RCN2: variants seen among roughly 807,000 people sequenced by gnomAD.
RCN2 encodes reticulocalbin 2, also known as reticulocalbin-2.
RCN2 carries 23 observed loss-of-function variants against 37.5 expected under a neutral mutation model. The ratio of observed to expected loss-of-function variants is 0.61; its 90% CI spans 0.44 to 0.87. The LOEUF (loss-of-function observed/expected upper bound fraction) is 0.87, where lower values mean the gene tolerates loss of function less well. Ranked by LOEUF, RCN2 falls within the 40% of genes least tolerant of loss-of-function variation. RCN2 has a pLI of 0.00. For missense variants in RCN2, 381 were observed against 390.4 expected (o/e 0.98, Z 0.20); for synonymous variants, 140 against 144.6 (o/e 0.97, Z 0.23).
At position 76,931,837 on chromosome 15, in the gene RCN2, G is replaced by T. The variant is rs2075223608; in HGVS notation, c.-5G>T. 4 of 1,230,580 alleles carry T rather than the reference G, an allele frequency of 3.3e-6. No individual in the cohort carries two copies. In the South Asian group the frequency reaches 1.0e-4, roughly 31 times the overall value. The allele number at this position is 1,230,580 out of a possible 1,614,324, so 76.2% of individuals were successfully genotyped here. ...GTCCCTCGGTGTCCTCCGCGGGCCGGCGCGATGCGGCTGGGCCCGAGGACC... is the reference window on the plus strand; with the variant it reads ...GTCCCTCGGTGTCCTCCGCGGGCCGTCGCGATGCGGCTGGGCCCGAGGACC... On this transcript the variant is annotated 5_prime_UTR_variant, in exon 1 of 7. Coordinates refer to ENST00000394885, the MANE Select transcript of RCN2 (RefSeq NM_002902.3).
intron 3 of RCN2, among the ~76,000 whole-genome samples, chr15:76,936,496 C>T (rs1325628544): frequency 6.6e-6 from 1 of 152,108 alleles, no homozygotes; most frequent in Non-Finnish European, 1.5e-5. Context: ...GTACAGTTCA[C>T]AGTAGGGTTT....
chr15:76,947,375 A>G, intron 4 of RCN2, 46 bp from the exon 5 acceptor site: 1 of 1,253,672 alleles, frequency 8.0e-7, no homozygotes, highest in Non-Finnish European at 1.1e-6. Context: ...AGTGGGACTG[A>G]ACATTTTGTA....
In RCN2 at chr15:76,949,083, T is replaced by C; in HGVS notation, c.815T>C (p.Ile272Thr). The change falls in exon 7 of 7, where the codon ATT (isoleucine) becomes ACT (threonine). Residue 272 changes from isoleucine to threonine, a missense_variant. Transcript: ENST00000394885. ...TTTATTTTGAAGGCGCTTCATCTAA[T>C]TGATGAAATGGATTTGAATGGTGAC... The part of the protein sequence containing the change: ...GIAQEEALHL[I>T]DEMDLNGDKK... 1.9e-6 allele frequency: 3 copies of C among 1,598,208 alleles called. No homozygotes were observed. Among genetic ancestry groups the C allele is most frequent in the Non-Finnish European group, 2.6e-6 (3 of 1,175,344 alleles).
intron 3 of RCN2, chr15:76,941,709 G>A (rs1045354284): frequency 4.4e-6 from 6 of 1,356,844 alleles, no homozygotes; most frequent in Non-Finnish European, 3.9e-6. Flanking sequence ...TTCTTATTTT[G>A]TGTTCTTCAA....
At chr15:76,947,545 A>G (rs759963392) in intron 5 of RCN2, 28 bp downstream of exon 5, 1 of 1,392,694 alleles carries the variant, frequency 7.2e-7, no homozygotes, top group East Asian at 2.3e-5. Context: ...ATGTGAAAAG[A>G]GAAAAGGAAT....
chr15:76,946,448 TA>T (rs762197288), intron 4 of RCN2, among the ~76,000 whole-genome samples: 173 of 140,416 alleles, frequency 1.2e-3, no homozygotes, highest in Admixed American at 1.0e-3. Context: ...GATCCTATGT[TA>T]AAAAAAAAAA....
chr15:76,932,773 A>G (rs932849573), intron 2 of RCN2, among the ~76,000 whole-genome samples: 1 of 152,240 alleles, frequency 6.6e-6, no homozygotes, highest in Non-Finnish European at 1.5e-5. Context: ...TTAGAGAAAT[A>G]TGCCCCAAAA....
chr15:76,932,523 G>C (rs2075228913), intron 2 of RCN2, 57 bp downstream of exon 2: 5 of 1,179,622 alleles, frequency 4.2e-6, no homozygotes, highest in Non-Finnish European at 6.3e-6. Context: ...GTTAAGCAGC[G>C]GTGTCTGCTG....
In RCN2 at chr15:76,950,406, T is replaced by G. The variant is rs1365637317; in HGVS notation, c.*1184T>G. On this transcript the variant is annotated 3_prime_UTR_variant, in exon 7 of 7. Transcript: ENST00000394885. ...TCATTCTTTTTTTTTTTTTTTTTTTTGTGACAGAGTCTTGCTCTGTGGCCC... is the reference window on the plus strand; with the variant it reads ...TCATTCTTTTTTTTTTTTTTTTTTTGGTGACAGAGTCTTGCTCTGTGGCCC... The G allele has an allele frequency of 9.4e-6, 1 of 106,468 alleles. No individual in the cohort carries two copies. The highest frequency in any genetic ancestry group is 3.9e-5 in the African/African-American group (1 of 25,580). The allele number at this position is 106,468 out of a possible 1,614,324, so 6.6% of individuals were successfully genotyped here. A position where few individuals can be genotyped will look rare whatever the true frequency, so the allele number is the denominator to read the frequency against.
chr15:76,931,880 G>C lies in RCN2; in HGVS notation c.39G>C (p.Leu13=), dbSNP rs998866705. 1.5e-6 allele frequency: 2 copies of C among 1,314,792 alleles called. No homozygotes were observed. Among genetic ancestry groups the C allele is most frequent in the Middle Eastern group, 2.9e-4 (1 of 3,474 alleles). 81.4% of individuals were successfully genotyped at this position (1,314,792 alleles called of 1,614,324 possible). The change falls in exon 1 of 7, where the codon CTG becomes CTC. Residue 13 remains leucine, a synonymous_variant. Coordinates refer to ENST00000394885, the MANE Select transcript of RCN2 (RefSeq NM_002902.3). ...CGAGGACCGCGGCGTTGGGGCTGCT[G>C]CTGCTGTGCGCCGCCGCGGCCGGCG... is the stretch of plus-strand genomic sequence containing the variant. The part of the protein sequence containing the change: ...LGPRTAALGL[L]LLCAAAAGAG...
chr15:76,939,136 C>T (rs1475976347), intron 3 of RCN2, among the ~76,000 whole-genome samples: 2 of 152,070 alleles, frequency 1.3e-5, no homozygotes, highest in Non-Finnish European at 2.9e-5. Context: ...GAGGCTGAGG[C>T]AGGAAGATTG....
At chr15:76,947,924 TG>T (rs1264438477) in intron 5 of RCN2, 1 of 163,502 alleles carries the variant, frequency 6.1e-6, no homozygotes, top group Non-Finnish European at 1.3e-5. Flanking sequence ...AATAAGTGTT[TG>T]AAATTAAGAG....
Position 76,948,537 on chromosome 15 carries a change from C to G in RCN2, c.786C>G (p.Gly262=). 6.3e-7 allele frequency: 1 copy of G among 1,580,342 alleles called. No individual in the cohort carries two copies. Among genetic ancestry groups the G allele is most frequent in the Non-Finnish European group, 8.6e-7 (1 of 1,160,372 alleles). The part of the protein sequence containing the change: ...LLPWVVPNNQ[G]IAQEEALHLI... ...CTTGGGTAGTACCTAATAATCAGGG[C>G]ATTGCACAAGAGGAGGTAAGTGTTA... is the stretch of plus-strand genomic sequence containing the variant. The change falls in exon 6 of 7, where the codon GGC becomes GGG. Residue 262 remains glycine, a synonymous_variant. Coordinates refer to ENST00000394885, the MANE Select transcript of RCN2 (RefSeq NM_002902.3).
rs1212854762 is a variant in RCN2, at chr15:76,954,159, C to T, written c.*4937C>T. The T allele has an allele frequency of 6.6e-6, 1 of 151,322 alleles. No homozygotes were observed. The highest frequency in any genetic ancestry group is 1.9e-4 in the East Asian group (1 of 5,138). The allele number at this position is 151,322 out of a possible 1,614,324, so 9.4% of individuals were successfully genotyped here. A position where few individuals can be genotyped will look rare whatever the true frequency, so the allele number is the denominator to read the frequency against. Reference sequence around the variant, plus strand: ...TCTGTCTCTACAGTTTTGCCTGTTCCAGAATATCATTCCTTTGCAATTTAA... The same window carrying T: ...TCTGTCTCTACAGTTTTGCCTGTTCTAGAATATCATTCCTTTGCAATTTAA... On this transcript the variant is annotated 3_prime_UTR_variant, in exon 7 of 7. Transcript: ENST00000394885.
Position 76,951,557 on chromosome 15 carries a change from A to G in RCN2, c.*2335A>G, listed in dbSNP as rs2075320759. 6.6e-6 allele frequency: 1 copy of G among 152,246 alleles called. No individual in the cohort carries two copies. The allele number at this position is 152,246 out of a possible 1,614,324, so 9.4% of individuals were successfully genotyped here. A position where few individuals can be genotyped will look rare whatever the true frequency, so the allele number is the denominator to read the frequency against. On this transcript the variant is annotated 3_prime_UTR_variant, in exon 7 of 7. Transcript: ENST00000394885. ...ACTGAGTGAAGATTTCACATTTAAC[A>G]ATAGGCTTTTAATAAGCATGCAGAG...
Position 76,952,146 on chromosome 15 carries a change from A to G in RCN2, c.*2924A>G, listed in dbSNP as rs2075324115. On this transcript the variant is annotated 3_prime_UTR_variant, in exon 7 of 7. Coordinates refer to ENST00000394885, the MANE Select transcript of RCN2 (RefSeq NM_002902.3). ...AGCCTCCCCCACTATCCTATCCTAT[A>G]TGTCATGAGATAGTACCTACCAGAG... 1 of 151,898 alleles carries G rather than the reference A, an allele frequency of 6.6e-6. No individual in the cohort carries two copies. The highest frequency in any genetic ancestry group is 2.1e-4 in the South Asian group (1 of 4,828). The allele number at this position is 151,898 out of a possible 1,614,324, so 9.4% of individuals were successfully genotyped here. A position where few individuals can be genotyped will look rare whatever the true frequency, so the allele number is the denominator to read the frequency against.
chr15:76,948,677 A>G lies in RCN2; in HGVS notation c.801+125A>G, dbSNP rs1004443547. On this transcript the variant is annotated intron_variant, in intron 6 of 6. Transcript: ENST00000394885. The stretch of plus-strand genomic sequence containing the variant: ...TAATGGAGTTATTTGGGATTGATGC[A>G]TTACTATGTTTTGAATTTACGAACT... 1.0e-5 allele frequency: 9 copies of G among 896,918 alleles called. No homozygotes were observed. The African/African-American group carries it at 1.3e-4, about 13-fold the overall frequency. 55.6% of individuals were successfully genotyped at this position (896,918 alleles called of 1,614,324 possible). A position where few individuals can be genotyped will look rare whatever the true frequency, so the allele number is the denominator to read the frequency against.
At position 76,953,630 on chromosome 15, in the gene RCN2, CGGAGTCTCGCTCTGTCGCCCA is replaced by C. The variant is rs2075334542; in HGVS notation, c.*4411_*4431del. The C allele has an allele frequency of 2.5e-5, 1 of 40,326 alleles. No homozygotes were observed. The highest frequency in any genetic ancestry group is 4.7e-5 in the Non-Finnish European group (1 of 21,320). The allele number at this position is 40,326 out of a possible 1,614,324, so 2.5% of individuals were successfully genotyped here. A position where few individuals can be genotyped will look rare whatever the true frequency, so the allele number is the denominator to read the frequency against. ...TTTTTTTTTTTTTTTTTTTTTGAGACGGAGTCTCGCTCTGTCGCCCAGGCTGGAGTGCAGTGGCGCGATCTC... is the reference window on the plus strand; with the variant it reads ...TTTTTTTTTTTTTTTTTTTTTGAGACGGCTGGAGTGCAGTGGCGCGATCTC... On this transcript the variant is annotated 3_prime_UTR_variant, in exon 7 of 7. Coordinates refer to ENST00000394885, the MANE Select transcript of RCN2 (RefSeq NM_002902.3).
Position 76,938,779 on chromosome 15 carries a change from C to T in RCN2, c.447+3057C>T, listed in dbSNP as rs140159755. The T allele has an allele frequency of 2.8e-4, 128 of 455,928 alleles. 1 individual carries two copies. Among genetic ancestry groups the T allele is most frequent in the African/African-American group, 2.3e-3 (117 of 50,206 alleles). 28.2% of individuals were successfully genotyped at this position (455,928 alleles called of 1,614,324 possible). The stretch of plus-strand genomic sequence containing the variant: ...CTCAGAGCCAGTCTGCTTAGCTTCA[C>T]ATTTAGCTCCAGCACTTCACGGTTG... On this transcript the variant is annotated intron_variant, in intron 3 of 6. Coordinates refer to ENST00000394885, the MANE Select transcript of RCN2 (RefSeq NM_002902.3).
Sources: allele counts gnomAD v4.1 joint callset (sites outside exome capture counted in the v4.1 genomes callset), GRCh38; gene constraint gnomAD v4.1.1; transcripts MANE v1.5; gene names NCBI Gene and HGNC (gene_info 2026-07-23, HGNC 2026-07-21).